MGST1: variants seen among roughly 807,000 people sequenced by gnomAD.
MGST1 encodes the protein microsomal glutathione S-transferase 1.
MGST1 carries 5 observed loss-of-function variants against 8.9 expected under a neutral mutation model. The ratio of observed to expected loss-of-function variants is 0.56; its 90% CI spans 0.29 to 1.19. The LOEUF (loss-of-function observed/expected upper bound fraction) is 1.19. Ranked by LOEUF, MGST1 falls within the 50% of genes most tolerant of loss-of-function variation. MGST1 has a pLI of 0.08. For synonymous variants in MGST1, 54 were observed against 67.8 expected, an observed-to-expected ratio of 0.80 and a Z score of 1.00; for missense variants, 182 against 187.4, an observed-to-expected ratio of 0.97 and a Z score of 0.17.
rs549901856 is a variant in MGST1, at chr12:16,588,279, A to C, written n.483-1249A>C. On this transcript the variant is annotated intron_variant and non_coding_transcript_variant, in intron 4 of 4. Transcript: ENST00000538857. ...ATATACAAATTGAAGGTGTGCACTC[A>C]AATTTCTTTAAGAATAAAGATATAT... Among the ~76,000 whole-genome samples the C allele has an allele frequency of 6.6e-5, 10 of 152,158 alleles. No homozygotes were observed. In the South Asian group the frequency reaches 2.1e-3, roughly 32 times the overall value.
At chr12:16,357,234 A>T (rs1939756805) in intron 2 of MGST1, among the ~76,000 whole-genome samples, 1 of 152,150 alleles carries the variant, frequency 6.6e-6, no homozygotes, top group Non-Finnish European at 1.5e-5. Context: ...TACTAGGTAG[A>T]ATATCCCCAT....
intron 4 of MGST1, among the ~76,000 whole-genome samples, chr12:16,561,132 T>C (rs1397777233): frequency 6.6e-6 from 1 of 152,120 alleles, no homozygotes; most frequent in African/African-American, 2.4e-5. Context: ...TATATATAGC[T>C]AGACCAGAAA....
chr12:16,377,301 C>G (rs572802906), downstream of MGST1: 9 of 116,912 alleles, frequency 7.7e-5, no homozygotes, highest in Non-Finnish European at 1.4e-4. Flanking sequence ...CCCCCCTCCC[C>G]CCACCCCGCA....
At chr12:16,418,679 C>G (rs1700527603) in intron 1 of MGST1, among the ~76,000 whole-genome samples, 1 of 152,098 alleles carries the variant, frequency 6.6e-6, no homozygotes, top group Admixed American at 6.6e-5. Flanking sequence ...CCCACCTTTG[C>G]CACCAACTTG....
rs748473379 is a variant in MGST1, at chr12:16,449,555, G to A, written n.482+65951G>A. Among the ~76,000 whole-genome samples, 111 of 152,022 alleles carry A rather than the reference G, an allele frequency of 7.3e-4. 1 individual carries two copies. Among genetic ancestry groups the A allele is most frequent in the Middle Eastern group, 3.4e-3 (1 of 294 alleles). On this transcript the variant is annotated intron_variant and non_coding_transcript_variant, in intron 4 of 4. Transcript: ENST00000538857. ...GTTAGTGAAAGGTGTACAATTGGAC[G>A]AAGAAAAATCCATGGCCATCTGCCT...
chr12:16,592,417 T>C (rs1334153713), downstream of MGST1, among the ~76,000 whole-genome samples: 2 of 152,176 alleles, frequency 1.3e-5, no homozygotes. Flanking sequence ...TCTCCCAAAG[T>C]GCAAATGTTC....
intron 4 of MGST1, among the ~76,000 whole-genome samples, chr12:16,578,240 G>A (rs75149106): frequency 0.052 from 7,891 of 152,216 alleles, 696 homozygotes; most frequent in African/African-American, 0.18. Context: ...TACAATGAAT[G>A]TTTAGGGGAA....
intron 4 of MGST1, among the ~76,000 whole-genome samples, chr12:16,454,145 A>G (rs577888492): frequency 3.4e-4 from 51 of 152,068 alleles, no homozygotes; most frequent in African/African-American, 1.2e-3. Flanking sequence ...CAGAGCTAGG[A>G]CTGGGATTCA....
intron 1 of MGST1, among the ~76,000 whole-genome samples, chr12:16,395,686 C>T (rs1014392892): frequency 1.1e-4 from 17 of 151,164 alleles, no homozygotes; most frequent in Admixed American, 6.0e-4. Context: ...TTTCCATTCC[C>T]GAGTTACTTC....
At chr12:16,376,350 G>A (rs921841525) in exon 4 of MGST1, 3 of 442,666 alleles carry the variant, frequency 6.8e-6, no homozygotes, top group African/African-American at 4.0e-5. Flanking sequence ...ACTGCGGGAA[G>A]TACCCAATAC....
downstream of MGST1, among the ~76,000 whole-genome samples, chr12:16,439,313 T>G (rs1941018347): frequency 6.6e-6 from 1 of 151,910 alleles, no homozygotes; most frequent in Non-Finnish European, 1.5e-5. Context: ...AGAATAGGTA[T>G]TTTGGAAAGT....
At position 16,500,871 on chromosome 12, in the gene MGST1, C is replaced by T. The variant is rs1310616869; in HGVS notation, n.483-88657C>T. On this transcript the variant is annotated intron_variant and non_coding_transcript_variant, in intron 4 of 4. Transcript: ENST00000538857. The surrounding 1 kb of genome is among the most constrained non-coding windows in gnomAD (Gnocchi z 4.3). ...CTGTAATCCCAGCACTTTGGGAGAC[C>T]AAGGCAGGCGGATCACAAGGTCAAG... 6.6e-6 allele frequency among the ~76,000 whole-genome samples: 1 copy of T among 152,044 alleles called. No individual in the cohort carries two copies. Among genetic ancestry groups the T allele is most frequent in the Non-Finnish European group, 1.5e-5 (1 of 67,990 alleles).
chr12:16,580,576 T>G (rs1943128917), intron 4 of MGST1, among the ~76,000 whole-genome samples: 1 of 152,162 alleles, frequency 6.6e-6, no homozygotes, highest in African/African-American at 2.4e-5. Context: ...GATCAGGTAG[T>G]AGATTATATA....
intron 1 of MGST1, among the ~76,000 whole-genome samples, chr12:16,412,490 A>G (rs945483380): frequency 2.0e-5 from 3 of 152,168 alleles, no homozygotes; most frequent in East Asian, 3.9e-4. Flanking sequence ...CTAATATTTC[A>G]ACTTTGACAT....
intron 4 of MGST1, among the ~76,000 whole-genome samples, chr12:16,545,527 A>T (rs1349888174): frequency 6.6e-6 from 1 of 152,054 alleles, no homozygotes; most frequent in East Asian, 1.9e-4. Context: ...TACCAAAGAC[A>T]AATAGTATAC....
intron 4 of MGST1, among the ~76,000 whole-genome samples, chr12:16,516,664 GC>G (rs1759938314): frequency 6.6e-6 from 1 of 152,184 alleles, no homozygotes; most frequent in Admixed American, 6.5e-5. Context: ...AAGGCAATGA[GC>G]CTCTCAGAAG....
downstream of MGST1, chr12:16,364,437 A>G: frequency 1.0e-6 from 1 of 974,478 alleles, no homozygotes; most frequent in Non-Finnish European, 1.2e-6. This position sits in a 1 kb window ranked among gnomAD's most constrained non-coding sequence, Gnocchi z 5.7. Flanking sequence ...TTTTCCCAAC[A>G]TTTTATTTTC....
At chr12:16,468,190 CTAACAA>C (rs530779255) in intron 4 of MGST1, among the ~76,000 whole-genome samples, 114 of 152,280 alleles carry the variant, frequency 7.5e-4, no homozygotes, top group African/African-American at 2.6e-3. Context: ...TTCAACCTCT[CTAACAA>C]TAAGAACGAA....
intron 4 of MGST1, among the ~76,000 whole-genome samples, chr12:16,542,595 A>AT (rs1941799155): frequency 6.6e-6 from 1 of 152,158 alleles, no homozygotes; most frequent in Non-Finnish European, 1.5e-5. Flanking sequence ...GTCAACTACC[A>AT]TTTTTGGTAA....
Sources: gnomAD v4.1 joint callset for allele counts (sites outside exome capture counted in the v4.1 genomes callset) on GRCh38, gnomAD v4.1.1 for gene constraint, Gnocchi (gnomAD v3.1) non-coding constraint, MANE v1.5 for transcripts, NCBI Gene and HGNC (gene_info 2026-07-23, HGNC 2026-07-21) for gene names.